CHRDL2: variants seen among roughly 807,000 people sequenced by gnomAD.
CHRDL2 encodes chordin-like protein 2.
In CHRDL2, 41 loss-of-function variants were observed where a neutral mutation model predicts 54.3. That is an observed-to-expected ratio of 0.76 (90% CI 0.59 to 0.98). The LOEUF (loss-of-function observed/expected upper bound fraction) is 0.98, where lower values mean the gene tolerates loss of function less well. Among genes scored for constraint, CHRDL2 ranks in the 50% least tolerant of loss-of-function variants. The probability of loss-of-function intolerance (pLI) is 0.00; values close to 1 mark genes in which losing one functional copy is unlikely to be tolerated. For synonymous variants in CHRDL2, 220 were observed against 224.3 expected (o/e 0.98, Z 0.17); for missense variants, 518 against 562.4 (o/e 0.92, Z 0.80).
chr11:74,718,620 A>G (rs2034423447), intron 2 of CHRDL2, 100 bp downstream of exon 2: 3 of 753,194 alleles, frequency 4.0e-6, no homozygotes, highest in Non-Finnish European at 6.7e-6. Context: ...TGCCGCTGAC[A>G]GCACAGTTCT....
Position 74,697,238 on chromosome 11 carries a change from G to C in CHRDL2, c.1180C>G (p.Gln394Glu). The change falls in exon 10 of 11, where the codon CAG (glutamine) becomes GAG (glutamate). Residue 394 changes from glutamine to glutamate, a missense_variant. Coordinates refer to ENST00000376332, the MANE Select transcript of CHRDL2 (RefSeq NM_001278473.3). ...VRKQDFQKEA[Q>E]HFRLLAGPHE... ...GGGCCAGCGAGCAGTCGGAAGTGCT[G>C]TGCCTCTTTCTGGAAGTCTTGCTTC... 6.2e-7 allele frequency: 1 copy of C among 1,614,064 alleles called. No individual in the cohort carries two copies.
chr11:74,716,847 C>T (rs1421927736), intron 2 of CHRDL2, among the ~76,000 whole-genome samples: 3 of 151,434 alleles, frequency 2.0e-5, no homozygotes, highest in Non-Finnish European at 4.4e-5. Context: ...AATCCCAGCA[C>T]TTTGGGAGGC....
chr11:74,706,638 A>C, intron 5 of CHRDL2, 96 bp from the exon 6 acceptor site: 1 of 1,181,650 alleles, frequency 8.5e-7, no homozygotes, highest in Admixed American at 1.8e-5. Context: ...TCCATTCCCA[A>C]GGCCTGCTGT....
chr11:74,702,660 AG>A (rs1416442864), intron 9 of CHRDL2, 133 bp downstream of exon 9: 1 of 784,874 alleles, frequency 1.3e-6, no homozygotes, highest in Non-Finnish European at 2.1e-6. Context: ...TCTTGGAATC[AG>A]GGGCTCTTAA....
chr11:74,715,971 CTG>C (rs1191301592), intron 2 of CHRDL2, among the ~76,000 whole-genome samples: 3 of 151,744 alleles, frequency 2.0e-5, no homozygotes, highest in Admixed American at 2.0e-4. Flanking sequence ...GAGCGAGACT[CTG>C]TCTCAAAATA....
In CHRDL2 at chr11:74,718,807, A is replaced by G; in HGVS notation, c.108T>C (p.His36=). Residue 36 remains histidine, a synonymous_variant, in exon 2 of 11, where the codon CAT becomes CAC. Coordinates refer to ENST00000376332, the MANE Select transcript of CHRDL2 (RefSeq NM_001278473.3). ...TCTCGCCGGGGGAGTATCTCTTCCC[A>G]TGGAAAAGGCAGAACATGTCTGGGC... ...RARPDMFCLF[H]GKRYSPGESW... The G allele has an allele frequency of 6.2e-7, 1 of 1,612,756 alleles. No homozygotes were observed. Among genetic ancestry groups the G allele is most frequent in the Non-Finnish European group, 8.5e-7 (1 of 1,179,394 alleles).
At chr11:74,702,475 C>T (rs1418565313) in intron 9 of CHRDL2, among the ~76,000 whole-genome samples, 1 of 152,176 alleles carries the variant, frequency 6.6e-6, no homozygotes, top group Non-Finnish European at 1.5e-5. Context: ...AGAAGACCCC[C>T]GCTCCCAGTG....
Position 74,704,622 on chromosome 11 carries a change from A to G in CHRDL2, c.615T>C (p.Ala205=), listed in dbSNP as rs756979347. 2.5e-6 allele frequency: 4 copies of G among 1,605,322 alleles called. No homozygotes were observed. Among genetic ancestry groups the G allele is most frequent in the Admixed American group, 1.7e-5 (1 of 58,490 alleles). The change falls in exon 7 of 11, where the codon GCT becomes GCC. Residue 205 remains alanine, a synonymous_variant. Transcript: ENST00000376332. The part of the protein sequence containing the change: ...RHPQDPCSSD[A]GRKRGPGTPA... The stretch of plus-strand genomic sequence containing the variant: ...GGGTGCCCGGGCCTCTCTTTCTCCC[A>G]GCATCACTGGAACATGGATCCTGAG...
At chr11:74,706,465 G>A (rs561774070) in intron 6 of CHRDL2, 22 bp downstream of exon 6, 26 of 1,613,034 alleles carry the variant, frequency 1.6e-5, no homozygotes, top group African/African-American at 1.2e-4. Flanking sequence ...CCCGCACCCC[G>A]TCAATAAGGC....
intron 2 of CHRDL2, among the ~76,000 whole-genome samples, chr11:74,717,941 A>T (rs1377727291): frequency 6.6e-6 from 1 of 151,972 alleles, no homozygotes; most frequent in Non-Finnish European, 1.5e-5. Context: ...CCAATCTCAT[A>T]CCTTACTTGT....
intron 5 of CHRDL2, among the ~76,000 whole-genome samples, chr11:74,707,606 T>C (rs1231663612): frequency 6.6e-6 from 1 of 152,118 alleles, no homozygotes; most frequent in Non-Finnish European, 1.5e-5. Flanking sequence ...AGTCCTTACC[T>C]GTACTAGACC....
chr11:74,727,394 A>G (rs779687616), intron 1 of CHRDL2, among the ~76,000 whole-genome samples: 2 of 152,180 alleles, frequency 1.3e-5, no homozygotes, highest in African/African-American at 2.4e-5. Context: ...AAACCCTTGA[A>G]GAAAAAAAAT....
intron 6 of CHRDL2, 39 bp from the exon 7 acceptor site, chr11:74,704,693 A>T: frequency 1.3e-6 from 2 of 1,588,742 alleles, no homozygotes; most frequent in Non-Finnish European, 1.7e-6. Flanking sequence ...CTGACTGAGC[A>T]TAGCAGGCCC....
chr11:74,721,995 G>T (rs749475221), intron 1 of CHRDL2, among the ~76,000 whole-genome samples: 4 of 152,118 alleles, frequency 2.6e-5, no homozygotes, highest in Non-Finnish European at 5.9e-5. Context: ...TCTAAGATTC[G>T]ATCATTCCAA....
At chr11:74,698,721 A>ACACACCCC (rs1491382541) in intron 9 of CHRDL2, 2 of 81,858 alleles carry the variant, frequency 2.4e-5, no homozygotes, top group Non-Finnish European at 5.6e-5. Flanking sequence ...ACACACACAC[A>ACACACCCC]CCCCACATAC....
rs549324393 is a variant in CHRDL2, at chr11:74,708,386, T to A, written c.442A>T (p.Ile148Phe). The A allele has an allele frequency of 6.3e-7, 1 of 1,580,062 alleles. No homozygotes were observed. Among genetic ancestry groups the A allele is most frequent in the Non-Finnish European group, 8.6e-7 (1 of 1,165,636 alleles). The part of the protein sequence containing the change: ...CVLCSCTEGQ[I>F]YCGLTTCPEP... ...GGGCAGGTTGTGAGGCCGCAGTAGA[T>A]CTGGCCCTCCTGACAGATAGAGCAA... is the stretch of plus-strand genomic sequence containing the variant. The change falls in exon 5 of 11, where the codon ATC becomes TTC. Residue 148 changes from isoleucine to phenylalanine, a missense_variant. Coordinates refer to ENST00000376332, the MANE Select transcript of CHRDL2 (RefSeq NM_001278473.3).
At chr11:74,700,621 T>TA (rs200330919) in intron 9 of CHRDL2, among the ~76,000 whole-genome samples, 19,574 of 137,956 alleles carry the variant, frequency 0.14, 1,602 homozygotes, top group Middle Eastern at 0.21. Flanking sequence ...GGAATCTTTT[T>TA]TTTATTATTA....
In CHRDL2 at chr11:74,731,272, G is replaced by C. The variant is rs1351070408; in HGVS notation, c.-384C>G. The C allele has an allele frequency of 6.5e-6, 1 of 153,706 alleles. No individual in the cohort carries two copies. Among genetic ancestry groups the C allele is most frequent in the African/African-American group, 2.4e-5 (1 of 41,256 alleles). The allele number at this position is 153,706 out of a possible 1,614,324, so 9.5% of individuals were successfully genotyped here. ...GGCGCGCGGGACCAGCGGGTGTTGC[G>C]GGCGCGCGGGCTAGAGGCGGCCGGC... On this transcript the variant is annotated 5_prime_UTR_variant, in exon 1 of 11. Transcript: ENST00000376332. The surrounding 1 kb of genome is among the most constrained non-coding windows in gnomAD (Gnocchi z 4.4).
At chr11:74,705,033 C>T (rs897013993) in intron 6 of CHRDL2, among the ~76,000 whole-genome samples, 8 of 152,098 alleles carry the variant, frequency 5.3e-5, no homozygotes, top group African/African-American at 1.4e-4. Context: ...TGAGGATGCA[C>T]GGCAGGCAGT....
Sources: gnomAD v4.1 joint callset for allele counts (sites outside exome capture counted in the v4.1 genomes callset) on GRCh38, gnomAD v4.1.1 for gene constraint, Gnocchi (gnomAD v3.1) non-coding constraint, MANE v1.5 for transcripts, NCBI Gene and HGNC (gene_info 2026-07-23, HGNC 2026-07-21) for gene names.